MYT1L: variants seen among roughly 807,000 people sequenced by gnomAD.
MYT1L encodes the protein myelin transcription factor 1 like, also known as myelin transcription factor 1-like protein.
A neutral mutation model predicts 126.7 loss-of-function variants in MYT1L; 12 were observed. The observed-to-expected ratio is 0.09, with a 90% confidence interval of 0.06 to 0.15. The LOEUF (loss-of-function observed/expected upper bound fraction) is 0.15. Among genes scored for constraint, MYT1L ranks in the 10% least tolerant of loss-of-function variants. MYT1L has a pLI of 1.00. For missense variants in MYT1L, 979 were observed against 1,585.2 expected (o/e 0.62, Z 6.49); for synonymous variants, 541 against 604.2 (o/e 0.90, Z 1.53).
intron 19 of MYT1L, among the ~76,000 whole-genome samples, chr2:1,845,599 T>C (rs1015328045): frequency 3.7e-4 from 56 of 152,140 alleles, no homozygotes; most frequent in Non-Finnish European, 5.9e-4. Flanking sequence ...TCTCCTCACC[T>C]GCACCAGCTC....
At chr2:1,898,389 G>A (rs1340061199) in intron 14 of MYT1L, among the ~76,000 whole-genome samples, 1 of 152,172 alleles carries the variant, frequency 6.6e-6, no homozygotes, top group East Asian at 1.9e-4. Flanking sequence ...ATCTTACATG[G>A]GAAAGAATGG....
intron 3 of MYT1L, among the ~76,000 whole-genome samples, chr2:2,114,496 C>G (rs968761554): frequency 6.6e-6 from 1 of 152,224 alleles, no homozygotes; most frequent in African/African-American, 2.4e-5. Context: ...TCCTGCAGCT[C>G]TGTCATGAAC....
intron 2 of MYT1L, among the ~76,000 whole-genome samples, chr2:2,196,508 A>G (rs1030280263): frequency 6.6e-6 from 1 of 151,454 alleles, no homozygotes; most frequent in Non-Finnish European, 1.5e-5. Context: ...AATAAAAATT[A>G]CATTCAATAT....
intron 1 of MYT1L, among the ~76,000 whole-genome samples, chr2:2,290,861 A>G (rs1573228200): frequency 6.6e-6 from 1 of 152,302 alleles, no homozygotes; most frequent in East Asian, 1.9e-4. Flanking sequence ...CACTGGCTCA[A>G]AAGAAATCCC....
At chr2:2,131,120 T>C (rs2082304959) in intron 3 of MYT1L, among the ~76,000 whole-genome samples, 2 of 152,190 alleles carry the variant, frequency 1.3e-5, no homozygotes, top group South Asian at 4.1e-4. Flanking sequence ...TGGGGAAAGC[T>C]ACTCTGGTTC....
intron 4 of MYT1L, among the ~76,000 whole-genome samples, chr2:2,018,879 C>T (rs1288627020): frequency 6.6e-6 from 1 of 151,876 alleles, no homozygotes; most frequent in Non-Finnish European, 1.5e-5. Context: ...CTAAGGAGGG[C>T]TGCTCTCCAC....
intron 3 of MYT1L, among the ~76,000 whole-genome samples, chr2:2,138,287 G>A (rs1227297273): frequency 2.7e-4 from 40 of 149,688 alleles, no homozygotes; most frequent in Middle Eastern, 6.3e-3. Flanking sequence ...TCAGTGTGGC[G>A]ATTCCTCAGG....
chr2:2,292,032 C>T (rs920220543), intron 1 of MYT1L, among the ~76,000 whole-genome samples: 1 of 152,220 alleles, frequency 6.6e-6, no homozygotes, highest in Non-Finnish European at 1.5e-5. Context: ...CCATCCAGGG[C>T]GCTGCTCTCT....
intron 11 of MYT1L, among the ~76,000 whole-genome samples, chr2:1,916,172 A>G (rs1573543731): frequency 6.6e-6 from 1 of 152,228 alleles, no homozygotes; most frequent in Non-Finnish European, 1.5e-5. Flanking sequence ...GCATCTAAAG[A>G]TCTTTCACTA....
In MYT1L at chr2:1,951,683, T is replaced by C. The variant is rs562127992; in HGVS notation, c.153-8349A>G. ...AGCCTCAGTCTATCCATCTGTGAGA[T>C]GAAGGGTAGTGCCCATGCTACACAC... is the stretch of plus-strand genomic sequence containing the variant. On this transcript the variant is annotated intron_variant, in intron 8 of 24. Coordinates refer to ENST00000647738, the MANE Select transcript of MYT1L (RefSeq NM_001303052.2). Among the ~76,000 whole-genome samples the C allele has an allele frequency of 2.2e-4, 33 of 152,344 alleles. No individual in the cohort carries two copies. The South Asian group carries it at 4.8e-3, about 22-fold the overall frequency.
chr2:2,117,601 C>A (rs916904743), intron 3 of MYT1L, among the ~76,000 whole-genome samples: 3 of 152,174 alleles, frequency 2.0e-5, no homozygotes, highest in Admixed American at 6.5e-5. Context: ...ATGAACAACA[C>A]GTGACAGGGA....
chr2:2,033,219 C>T (rs1349567354), intron 4 of MYT1L, among the ~76,000 whole-genome samples: 1 of 75,256 alleles, frequency 1.3e-5, no homozygotes, highest in East Asian at 4.4e-4. Context: ...CTCATCCTGT[C>T]GCCCAGAGCA....
intron 4 of MYT1L, among the ~76,000 whole-genome samples, chr2:2,024,948 G>A (rs1224912914): frequency 6.6e-6 from 1 of 152,258 alleles, no homozygotes; most frequent in African/African-American, 2.4e-5. Context: ...TCCCACCACA[G>A]CTGCCCGTGC....
chr2:2,016,842 T>G (rs1034957164), intron 4 of MYT1L, among the ~76,000 whole-genome samples: 2 of 152,216 alleles, frequency 1.3e-5, no homozygotes, highest in African/African-American at 2.4e-5. Flanking sequence ...TTCCTGCCAA[T>G]CTGGGCAACG....
intron 4 of MYT1L, among the ~76,000 whole-genome samples, chr2:2,043,904 T>C (rs560570704): frequency 3.9e-5 from 6 of 152,182 alleles, no homozygotes; most frequent in Non-Finnish European, 8.8e-5. Context: ...TGATGGAGAA[T>C]TTGATGGATT....
intron 3 of MYT1L, among the ~76,000 whole-genome samples, chr2:2,151,985 G>A (rs1299986022): frequency 1.3e-5 from 2 of 152,206 alleles, no homozygotes; most frequent in Non-Finnish European, 2.9e-5. Flanking sequence ...GAACCCGGGA[G>A]GCAGAGGTTG....
Position 2,004,731 on chromosome 2 carries a change from C to T in MYT1L, c.-157-7384G>A, listed in dbSNP as rs182831002. Among the ~76,000 whole-genome samples the T allele has an allele frequency of 3.1e-3, 459 of 146,832 alleles. 12 individuals are homozygous for T. The highest frequency in any genetic ancestry group is 0.011 in the African/African-American group (414 of 38,552). ...CCTTTCCTGCGTGCCTTCTTTCCTG[C>T]GTGCCTTCTTTCCTGCAGGCGTTCT... On this transcript the variant is annotated intron_variant, in intron 4 of 24. Coordinates refer to ENST00000647738, the MANE Select transcript of MYT1L (RefSeq NM_001303052.2).
chr2:2,106,429 C>T (rs2078771667), intron 3 of MYT1L, among the ~76,000 whole-genome samples: 1 of 151,924 alleles, frequency 6.6e-6, no homozygotes, highest in Non-Finnish European at 1.5e-5. Flanking sequence ...ATCAGCCTGG[C>T]CAACATGGTG....
intron 19 of MYT1L, among the ~76,000 whole-genome samples, chr2:1,849,927 G>C (rs957235830): frequency 1.3e-5 from 2 of 151,930 alleles, no homozygotes; most frequent in African/African-American, 4.8e-5. Context: ...CCAGTCAGGT[G>C]AGGGTCCCCC....
Sources: gnomAD v4.1 joint callset for allele counts (sites outside exome capture counted in the v4.1 genomes callset) on GRCh38, gnomAD v4.1.1 for gene constraint, MANE v1.5 for transcripts, NCBI Gene and HGNC (gene_info 2026-07-23, HGNC 2026-07-21) for gene names.